The following ERICH5 variants were observed in gnomAD, a reference collection of about 807,000 sequenced individuals.
ERICH5 encodes glutamate-rich protein 5.
Under a neutral mutation model 28.0 loss-of-function variants are expected in ERICH5, and 24 were observed. That is an observed-to-expected ratio of 0.86 (90% confidence interval 0.62 to 1.21). The LOEUF (loss-of-function observed/expected upper bound fraction) is 1.21. Among genes scored for constraint, ERICH5 ranks in the 50% most tolerant of loss-of-function variants. ERICH5 has a pLI of 0.00. For missense variants in ERICH5, 421 were observed against 441.2 expected (o/e 0.95, Z 0.41); for synonymous variants, 163 against 157.6 (o/e 1.03, Z -0.25).
chr8:98,068,345 G>A (rs1166912877), intron 1 of ERICH5, among the ~76,000 whole-genome samples: 1 of 152,180 alleles, frequency 6.6e-6, no homozygotes, highest in Non-Finnish European at 1.5e-5. Context: ...GAGAACAGAG[G>A]TGAAGACTCT....
At chr8:98,082,030 T>C (rs1269817390) in intron 1 of ERICH5, among the ~76,000 whole-genome samples, 1 of 152,258 alleles carries the variant, frequency 6.6e-6, no homozygotes, top group East Asian at 1.9e-4. Context: ...TTCTATCACA[T>C]AGGGAAAAGA....
intron 1 of ERICH5, among the ~76,000 whole-genome samples, chr8:98,072,543 C>T (rs187765166): frequency 5.3e-5 from 8 of 152,166 alleles, no homozygotes; most frequent in South Asian, 2.1e-4. Flanking sequence ...GAGGCTGAGG[C>T]GGGAAAATCA....
chr8:98,080,623 C>T (rs1815163346), intron 1 of ERICH5, among the ~76,000 whole-genome samples: 1 of 151,756 alleles, frequency 6.6e-6, no homozygotes, highest in South Asian at 2.1e-4. Context: ...CCTTCTTCTT[C>T]TCCTTCACCT....
At position 98,072,347 on chromosome 8, in the gene ERICH5, G is replaced by A. The variant is rs117453157; in HGVS notation, c.58+7620G>A. On this transcript the variant is annotated intron_variant, in intron 1 of 2. Transcript: ENST00000318528. ...ATGACATTGAAAAGGATCAGGAAGT[G>A]TTGGTGGCCGGGTGCAGTGGCTCAT... Among the ~76,000 whole-genome samples the A allele has an allele frequency of 4.2e-3, 638 of 152,276 alleles. 3 individuals carry two copies. Among genetic ancestry groups the A allele is most frequent in the Non-Finnish European group, 6.6e-3 (451 of 68,018 alleles).
chr8:98,076,353 C>T (rs13278732), intron 1 of ERICH5, among the ~76,000 whole-genome samples: 37,229 of 151,390 alleles, frequency 0.25, 4,837 homozygotes, highest in Middle Eastern at 0.28. Context: ...CGTGCCCAGC[C>T]GTATTAACCT....
In ERICH5 at chr8:98,085,136, C is replaced by CTTTTT. The variant is rs760470751; in HGVS notation, c.59-3902_59-3898dup. Among the ~76,000 whole-genome samples, 67 of 57,320 alleles carry CTTTTT rather than the reference C, an allele frequency of 1.2e-3. 12 individuals carry two copies. The highest frequency in any genetic ancestry group is 1.7e-3 in the Non-Finnish European group (49 of 28,402). 37.6% of individuals were successfully genotyped at this position (57,320 alleles called of 152,430 possible). A position where few individuals can be genotyped will look rare whatever the true frequency, so the allele number is the denominator to read the frequency against. On this transcript the variant is annotated intron_variant, in intron 1 of 2. Transcript: ENST00000318528. Reference sequence around the variant, plus strand: ...TTCCCTGGTGTGAACGTTCCACAGCCTTTTTTTTTTTTTTTTTTTTTTTTT... The same window carrying CTTTTT: ...TTCCCTGGTGTGAACGTTCCACAGCCTTTTTTTTTTTTTTTTTTTTTTTTTTTTTT...
intron 1 of ERICH5, among the ~76,000 whole-genome samples, chr8:98,088,043 G>A (rs796624083): frequency 3.3e-5 from 5 of 152,180 alleles, no homozygotes; most frequent in African/African-American, 9.6e-5. Flanking sequence ...GCAACATAGT[G>A]AGATCCTGTC....
At position 98,075,785 on chromosome 8, in the gene ERICH5, CTT is replaced by C. The variant is rs1296283210; in HGVS notation, c.58+11076_58+11077del. 3.9e-4 allele frequency among the ~76,000 whole-genome samples: 32 copies of C among 81,642 alleles called. 1 individual carries two copies. Among genetic ancestry groups the C allele is most frequent in the South Asian group, 1.6e-3 (3 of 1,846 alleles). The allele number at this position is 81,642 out of a possible 152,430, so 53.6% of individuals were successfully genotyped here. ...TAACTCCCATCTCAAGCACACCTGC[CTT>C]TTTTTTTTTTTTTTTTTGAGACAGG... On this transcript the variant is annotated intron_variant, in intron 1 of 2. Transcript: ENST00000318528.
intron 1 of ERICH5, among the ~76,000 whole-genome samples, chr8:98,081,537 A>C (rs1254652713): frequency 1.3e-5 from 2 of 152,220 alleles, no homozygotes; most frequent in Non-Finnish European, 2.9e-5. Context: ...TGTAATCCTC[A>C]TGTCAGTTCC....
chr8:98,091,900 C>CTTTCTTTCCTTTCTTTCTTT, intron 2 of ERICH5, among the ~76,000 whole-genome samples: 96 of 74,648 alleles, frequency 1.3e-3, no homozygotes, highest in African/African-American at 3.8e-3. Flanking sequence ...TTCTTTCTTT[C>CTTTCTTTCCTTTCTTTCTTT]CTTTCTTTCT....
chr8:98,082,083 G>T (rs1815193129), intron 1 of ERICH5, among the ~76,000 whole-genome samples: 1 of 152,104 alleles, frequency 6.6e-6, no homozygotes, highest in African/African-American at 2.4e-5. Flanking sequence ...CTGAAATACA[G>T]CCATTTCAAA....
intron 1 of ERICH5, among the ~76,000 whole-genome samples, chr8:98,088,231 C>A (rs1364791018): frequency 6.6e-6 from 1 of 152,150 alleles, no homozygotes; most frequent in Non-Finnish European, 1.5e-5. Flanking sequence ...AGAGTATTAA[C>A]ATATTGCCAA....
intron 1 of ERICH5, among the ~76,000 whole-genome samples, chr8:98,071,234 G>A (rs1216347853): frequency 1.3e-5 from 2 of 152,010 alleles, no homozygotes; most frequent in African/African-American, 2.4e-5. Flanking sequence ...CAGAGATCAC[G>A]CCATTGCACT....
Position 98,064,668 on chromosome 8 carries a change from C to G in ERICH5, c.-2C>G, listed in dbSNP as rs766537824. 2 of 1,533,448 alleles carry G rather than the reference C, an allele frequency of 1.3e-6. No homozygotes were observed. Among genetic ancestry groups the G allele is most frequent in the Admixed American group, 3.9e-5 (2 of 51,112 alleles). The allele number at this position is 1,533,448 out of a possible 1,614,324, so 95.0% of individuals were successfully genotyped here. ...CTGAGACAGGTGTCTGCGCTCCCCG[C>G]AATGGGCTGCTCCAGCAGCGCCCTC... On this transcript the variant is annotated 5_prime_UTR_variant, in exon 1 of 3. Transcript: ENST00000318528.
chr8:98,080,302 T>C (rs1475716681), intron 1 of ERICH5, among the ~76,000 whole-genome samples: 9 of 152,366 alleles, frequency 5.9e-5, no homozygotes, highest in East Asian at 3.9e-4. Context: ...AGGAACTAAC[T>C]TGTCCAGATT....
At chr8:98,067,696 A>G (rs1586196629) in intron 1 of ERICH5, among the ~76,000 whole-genome samples, 5 of 151,682 alleles carry the variant, frequency 3.3e-5, no homozygotes, top group Non-Finnish European at 7.4e-5. Context: ...GCTCACTGCA[A>G]CCTCGGCCTC....
At chr8:98,091,949 C>CTTTCTTTCT (rs71271196) in intron 2 of ERICH5, among the ~76,000 whole-genome samples, 24 of 101,998 alleles carry the variant, frequency 2.4e-4, no homozygotes, top group African/African-American at 1.0e-3. Context: ...TTCTTTCTTT[C>CTTTCTTTCT]TTCTTTCTTT....
intron 1 of ERICH5, among the ~76,000 whole-genome samples, chr8:98,071,127 G>C (rs947407095): frequency 6.6e-5 from 10 of 152,066 alleles, no homozygotes; most frequent in African/African-American, 2.4e-4. Context: ...TTCTGGACGT[G>C]GTGGCAGCTG....
intron 2 of ERICH5, 148 bp from the exon 3 acceptor site, chr8:98,093,073 G>A: frequency 3.6e-6 from 2 of 553,050 alleles, no homozygotes; most frequent in Non-Finnish European, 6.4e-6. Flanking sequence ...GTGCCCAGCT[G>A]AGATGATTAC....
Sources: gnomAD v4.1 joint callset for allele counts (sites outside exome capture counted in the v4.1 genomes callset) on GRCh38, gnomAD v4.1.1 for gene constraint, MANE v1.5 for transcripts, NCBI Gene and HGNC (gene_info 2026-07-23, HGNC 2026-07-21) for gene names.